Variants in DDX54 observed in about 807,000 individuals in gnomAD.
The protein encoded by DDX54 is DEAD-box helicase 54, also known as ATP-dependent RNA helicase DDX54.
DDX54 carries 67 observed loss-of-function variants against 105.5 expected under a neutral mutation model. The ratio of observed to expected loss-of-function variants is 0.64; its 90% CI spans 0.52 to 0.78. DDX54 has a LOEUF of 0.78. DDX54 is among the 30% of genes least tolerant of loss of function. The probability of loss-of-function intolerance (pLI) is 0.00; values close to 1 mark genes in which losing one functional copy is unlikely to be tolerated. For missense variants in DDX54, 1,206 were observed against 1,230.5 expected (o/e 0.98, Z 0.30); for synonymous variants, 514 against 509.9 (o/e 1.01, Z -0.11).
chr12:113,177,019 T>C (rs2305899), intron 6 of DDX54, 33 bp downstream of exon 6: 132,298 of 1,613,794 alleles, frequency 0.082, 6,671 homozygotes, highest in East Asian at 0.24. Context: ...TAGGAAGGGA[T>C]CTCAGGGAGT....
chr12:113,176,975 G>A (rs775207533), intron 6 of DDX54, 40 bp from the exon 7 acceptor site: 8 of 1,613,600 alleles, frequency 5.0e-6, no homozygotes, highest in African/African-American at 1.3e-5. Flanking sequence ...CCAGGGCCAG[G>A]GCCACCACCA....
At chr12:113,172,042 C>A (rs1952345864) in intron 11 of DDX54, among the ~76,000 whole-genome samples, 1 of 151,594 alleles carries the variant, frequency 6.6e-6, no homozygotes, top group Admixed American at 6.6e-5. Context: ...TTATTGAATA[C>A]TGTACTGAAA....
Position 113,157,897 on chromosome 12 carries a change from G to C in DDX54, c.*980C>G. On this transcript the variant is annotated 3_prime_UTR_variant, in exon 20 of 20. Transcript: ENST00000306014. ...GCAGGCCCTGATGAGGAGGTGATGGGAAGGTCAAGGGGCTATGTGTGGGGC... is the reference window on the plus strand; with the variant it reads ...GCAGGCCCTGATGAGGAGGTGATGGCAAGGTCAAGGGGCTATGTGTGGGGC... 1 of 589,996 alleles carries C rather than the reference G, an allele frequency of 1.7e-6. No homozygotes were observed. Among genetic ancestry groups the C allele is most frequent in the Non-Finnish European group, 3.0e-6 (1 of 328,464 alleles). 36.5% of individuals were successfully genotyped at this position (589,996 alleles called of 1,614,324 possible). A position where few individuals can be genotyped will look rare whatever the true frequency, so the allele number is the denominator to read the frequency against.
intron 17 of DDX54, 148 bp downstream of exon 17, chr12:113,162,784 C>T: frequency 1.4e-6 from 1 of 729,286 alleles, no homozygotes; most frequent in East Asian, 2.8e-5. Context: ...GATCACTCAC[C>T]CCGGGCATGG....
intron 18 of DDX54, 61 bp from the exon 19 acceptor site, chr12:113,161,443 A>T: frequency 7.6e-7 from 1 of 1,322,372 alleles, no homozygotes; most frequent in Non-Finnish European, 1.1e-6. Context: ...GCTCCTCCCC[A>T]CACTGCCCCA....
At chr12:113,162,609 A>T (rs1463683812) in intron 17 of DDX54, 1 of 356,378 alleles carries the variant, frequency 2.8e-6, no homozygotes, top group Non-Finnish European at 5.2e-6. Context: ...CTGGGCCTGG[A>T]GGGGTGGCTC....
chr12:113,160,448 G>GCAGT (rs1326494302), intron 19 of DDX54, among the ~76,000 whole-genome samples: 1 of 152,188 alleles, frequency 6.6e-6, no homozygotes, highest in African/African-American at 2.4e-5. Flanking sequence ...ATGGGTATTC[G>GCAGT]CAGTCACCTT....
intron 19 of DDX54, 40 bp downstream of exon 19, chr12:113,161,230 T>C (rs1455140007): frequency 6.5e-7 from 1 of 1,534,562 alleles, no homozygotes. Flanking sequence ...ACAACTGCTC[T>C]GCCTACCTGT....
chr12:113,164,582 TG>T (rs566909035), intron 14 of DDX54, among the ~76,000 whole-genome samples: 17 of 151,952 alleles, frequency 1.1e-4, no homozygotes, highest in Non-Finnish European at 2.2e-4. Flanking sequence ...GGTGTGGTGG[TG>T]GGCACCTGTA....
Position 113,169,769 on chromosome 12 carries a change from C to T in DDX54, c.1414+1G>A. 6.2e-7 allele frequency: 1 copy of T among 1,613,828 alleles called. No individual in the cohort carries two copies. The highest frequency in any genetic ancestry group is 1.1e-5 in the South Asian group (1 of 91,066). Reference sequence around the variant, plus strand: ...CCTATCCCCACCCAGCCTCCACTCACCTGAGGGCTCCTTGAGGGGTCGGGC... The same window carrying T: ...CCTATCCCCACCCAGCCTCCACTCATCTGAGGGCTCCTTGAGGGGTCGGGC... On this transcript the variant is annotated splice_donor_variant, in intron 12 of 19. Transcript: ENST00000306014. LOFTEE classifies it high-confidence loss of function.
intron 2 of DDX54, among the ~76,000 whole-genome samples, chr12:113,180,332 G>A (rs997136310): frequency 6.6e-6 from 1 of 152,250 alleles, no homozygotes; most frequent in Non-Finnish European, 1.5e-5. Context: ...GGAAGTGTGT[G>A]TGGACACAAT....
rs1366984883 is a variant in DDX54 at position 113,164,085 on chromosome 12, C to G, written c.1920G>C (p.Glu640Asp). 2 of 1,516,396 alleles carry G rather than the reference C, an allele frequency of 1.3e-6. No individual in the cohort carries two copies. 93.9% of individuals were successfully genotyped at this position (1,516,396 alleles called of 1,614,324 possible). The change falls in exon 15 of 20, where the codon GAG becomes GAC. Residue 640 changes from glutamate to aspartate, a missense_variant. This residue lies in a region of DDX54 where 961 missense variants were observed against 1,019.1 expected (regional missense o/e 0.94). Coordinates refer to ENST00000306014, the MANE Select transcript of DDX54 (RefSeq NM_024072.4). ...CCTGTACCTCCACACTCTCTCCCGC[C>G]TCCTCCTCCTCCTCCTTCTCAGGCT... is the stretch of plus-strand genomic sequence containing the variant. ...EKQPEKEEEE[E>D]AGESVEDIFS...
chr12:113,177,119 T>C (rs1452081667), intron 5 of DDX54, 26 bp from the exon 6 acceptor site: 1 of 1,612,370 alleles, frequency 6.2e-7, no homozygotes, highest in Admixed American at 1.7e-5. Flanking sequence ...GGGGTTAGCT[T>C]GATAGAACAG....
Position 113,182,942 on chromosome 12 carries a change from C to T in DDX54, c.175-1884G>A, listed in dbSNP as rs529216082. 4.0e-5 allele frequency among the ~76,000 whole-genome samples: 6 copies of T among 151,384 alleles called. No individual in the cohort carries two copies. In the South Asian group the frequency reaches 6.3e-4, roughly 16 times the overall value. On this transcript the variant is annotated intron_variant, in intron 1 of 19. Coordinates refer to ENST00000306014, the MANE Select transcript of DDX54 (RefSeq NM_024072.4). ...AGGCTGGAGTGCAGTGGGGCAATCA[C>T]GGCTCACCTAGCTCAGGTGATCCTC...
Position 113,185,273 on chromosome 12 carries a change from C to T in DDX54, c.174+5G>A. On this transcript the variant is annotated splice_donor_5th_base_variant and intron_variant, in intron 1 of 19. Coordinates refer to ENST00000306014, the MANE Select transcript of DDX54 (RefSeq NM_024072.4). ...CGAACATGCGTCCCAGCCCCACGCG[C>T]CTACCTTCCGGGCCCGGGCGTCATC... 6.4e-7 allele frequency: 1 copy of T among 1,555,560 alleles called. No homozygotes were observed. Among genetic ancestry groups the T allele is most frequent in the Non-Finnish European group, 8.7e-7 (1 of 1,153,620 alleles).
At chr12:113,175,614 C>G (rs1952393217) in intron 7 of DDX54, among the ~76,000 whole-genome samples, 2 of 152,234 alleles carry the variant, frequency 1.3e-5, no homozygotes, top group South Asian at 4.1e-4. Flanking sequence ...CAGTGAAACC[C>G]CGTCTCTATT....
rs760800495 is a variant in DDX54 at position 113,174,865 on chromosome 12, G to A, written c.936+10C>T. 8 of 1,614,030 alleles carry A rather than the reference G, an allele frequency of 5.0e-6. No homozygotes were observed. In the Admixed American group the frequency reaches 1.3e-4, roughly 27 times the overall value. ...CACAACCTCCTGGGATGGGACAGGTGCAGCCTCACCTTCAGCTGCTCGTTG... is the reference window on the plus strand; with the variant it reads ...CACAACCTCCTGGGATGGGACAGGTACAGCCTCACCTTCAGCTGCTCGTTG... On this transcript the variant is annotated intron_variant, in intron 9 of 19. Coordinates refer to ENST00000306014, the MANE Select transcript of DDX54 (RefSeq NM_024072.4).
At chr12:113,183,673 C>A (rs1245820239) in intron 1 of DDX54, 1 of 152,282 alleles carries the variant, frequency 6.6e-6, no homozygotes. Context: ...ACGGCACAGG[C>A]CTTGGAATCA....
chr12:113,174,120 A>G (rs1952369220), intron 10 of DDX54, among the ~76,000 whole-genome samples: 2 of 151,708 alleles, frequency 1.3e-5, no homozygotes, highest in African/African-American at 4.8e-5. Context: ...TGGAGGTTGC[A>G]GTGAGCTGAG....
Sources: allele counts gnomAD v4.1 joint callset (sites outside exome capture counted in the v4.1 genomes callset), GRCh38; gene constraint gnomAD v4.1.1; regional missense constraint gnomAD v4.1.1; transcripts MANE v1.5; gene names NCBI Gene and HGNC (gene_info 2026-07-23, HGNC 2026-07-21).